Variants in CEP128 observed in about 807,000 individuals in gnomAD.
The protein encoded by CEP128 is centrosomal protein 128kDa.
CEP128 carries 132 observed loss-of-function variants against 156.7 expected under a neutral mutation model. That is an observed-to-expected ratio of 0.84 (90% CI 0.73 to 0.97). The LOEUF (loss-of-function observed/expected upper bound fraction) is 0.97. Among genes scored for constraint, CEP128 ranks in the 50% least tolerant of loss-of-function variants. The pLI, the probability that CEP128 is intolerant of heterozygous loss-of-function variation, is 0.00. For synonymous variants in CEP128, 469 were observed against 448.9 expected, an observed-to-expected ratio of 1.04 and a Z score of -0.57; for missense variants, 1,252 against 1,281.9, an observed-to-expected ratio of 0.98 and a Z score of 0.36.
intron 19 of CEP128, among the ~76,000 whole-genome samples, chr14:80,626,624 G>A (rs924487512): frequency 6.6e-6 from 1 of 152,104 alleles, no homozygotes; most frequent in Non-Finnish European, 1.5e-5. Flanking sequence ...AGCTGAAAAG[G>A]GCAGGAGAAA....
chr14:80,591,621 T>C (rs1013097944), intron 19 of CEP128, among the ~76,000 whole-genome samples: 1 of 152,010 alleles, frequency 6.6e-6, no homozygotes, highest in Non-Finnish European at 1.5e-5. Flanking sequence ...AACAAGGATA[T>C]TCAGGACTTG....
rs1055672502 is a variant in CEP128, at chr14:80,766,768, G to A, written c.2377-5155C>T. ...AAAACTAACTTGAGTCAGCAAATGTGACAATATTTCAGTCCCAAGGCCATC... is the reference window on the plus strand; with the variant it reads ...AAAACTAACTTGAGTCAGCAAATGTAACAATATTTCAGTCCCAAGGCCATC... On this transcript the variant is annotated intron_variant, in intron 16 of 24. Coordinates refer to ENST00000555265, the MANE Select transcript of CEP128 (RefSeq NM_152446.5). Among the ~76,000 whole-genome samples the A allele has an allele frequency of 3.9e-5, 6 of 152,082 alleles. No homozygotes were observed. The South Asian group carries it at 1.2e-3, about 31-fold the overall frequency.
intron 9 of CEP128, among the ~76,000 whole-genome samples, chr14:80,851,471 A>G (rs1005325477): frequency 3.3e-5 from 5 of 152,126 alleles, no homozygotes; most frequent in Non-Finnish European, 1.5e-5. Context: ...GAAGAATCCA[A>G]TGTAGCTGGA....
At chr14:80,548,318 A>G (rs1481731942) in intron 21 of CEP128, among the ~76,000 whole-genome samples, 4 of 152,172 alleles carry the variant, frequency 2.6e-5, no homozygotes, top group African/African-American at 9.7e-5. Flanking sequence ...ATTTTCAGCT[A>G]AAGATTGAAG....
At chr14:80,718,843 G>A (rs1897707118) in intron 19 of CEP128, among the ~76,000 whole-genome samples, 1 of 152,188 alleles carries the variant, frequency 6.6e-6, no homozygotes, top group African/African-American at 2.4e-5. Context: ...TAACACCAGC[G>A]AACCTCTCAT....
In CEP128 at chr14:80,831,292, C is replaced by A. The variant is rs371275568; in HGVS notation, c.1060G>T (p.Val354Phe). 2.1e-5 allele frequency: 34 copies of A among 1,613,712 alleles called. No individual in the cohort carries two copies. The highest frequency in any genetic ancestry group is 2.8e-5 in the Non-Finnish European group (33 of 1,179,880). ...QGEDWRFRRG[V>F]EREKQDLEKQ... ...TCCAGGTCCTGTTTTTCCCGCTCAA[C>A]CCCTTAAAAGATAAAATGTAAGGCT... Residue 354 changes from valine to phenylalanine, a missense_variant and splice_region_variant, in exon 13 of 25, where the codon GTT (valine) becomes TTT (phenylalanine). Transcript: ENST00000555265.
intron 14 of CEP128, among the ~76,000 whole-genome samples, chr14:80,790,396 G>A (rs1360666602): frequency 6.6e-6 from 1 of 152,010 alleles, no homozygotes; most frequent in Non-Finnish European, 1.5e-5. Context: ...ATTTCAAACA[G>A]TACCTTAAAA....
At chr14:80,836,461 C>A (rs1886083388) in intron 11 of CEP128, 124 bp from the exon 12 acceptor site, 1 of 991,254 alleles carries the variant, frequency 1.0e-6, no homozygotes, top group East Asian at 2.5e-5. Context: ...GGAACGGTTT[C>A]CTGCTCCATT....
intron 14 of CEP128, chr14:80,478,493 C>T (rs1886988900): frequency 6.6e-6 from 1 of 152,144 alleles, no homozygotes; most frequent in African/African-American, 2.4e-5. Context: ...AGCTGAGTGA[C>T]AAAACATACG....
chr14:80,504,323 C>A (rs988151454), intron 24 of CEP128, among the ~76,000 whole-genome samples: 1 of 152,160 alleles, frequency 6.6e-6, no homozygotes, highest in African/African-American at 2.4e-5. Context: ...ACAGAGACTA[C>A]ACTTCAAACT....
intron 19 of CEP128, among the ~76,000 whole-genome samples, chr14:80,620,291 A>T (rs2140652742): frequency 6.6e-6 from 1 of 152,302 alleles, no homozygotes; most frequent in Middle Eastern, 3.4e-3. Context: ...CCACAGTTTT[A>T]GTGGTCGACT....
chr14:80,721,279 A>G lies in CEP128; in HGVS notation c.2806+21796T>C, dbSNP rs116589169. 9.1e-3 allele frequency among the ~76,000 whole-genome samples: 1,390 copies of G among 152,318 alleles called. 24 individuals carry two copies. Among genetic ancestry groups the G allele is most frequent in the African/African-American group, 0.032 (1,328 of 41,580 alleles). ...CCAAAGAGAACTCGACAACCCTGGCAATCATACTACAGATGATTCTCTTAT... is the reference window on the plus strand; with the variant it reads ...CCAAAGAGAACTCGACAACCCTGGCGATCATACTACAGATGATTCTCTTAT... On this transcript the variant is annotated intron_variant, in intron 19 of 24. Transcript: ENST00000555265.
chr14:80,925,806 T>C (rs1451511418), intron 2 of CEP128, among the ~76,000 whole-genome samples: 1 of 151,758 alleles, frequency 6.6e-6, no homozygotes, highest in Non-Finnish European at 1.5e-5. Context: ...AAACTGGGAG[T>C]TGCCAGAGCA....
chr14:80,685,827 T>C (rs943551109), intron 19 of CEP128, among the ~76,000 whole-genome samples: 9 of 152,014 alleles, frequency 5.9e-5, no homozygotes, highest in African/African-American at 1.9e-4. Flanking sequence ...CTATCTAATC[T>C]TCAACAAAGT....
In CEP128 at chr14:80,785,385, T is replaced by G. The variant is rs199526020; in HGVS notation, c.1721A>C (p.Gln574Pro). The stretch of plus-strand genomic sequence containing the variant: ...CTTAACTTCCAATTCAAGGTCAGCT[T>G]GATGAGACTTAATATCACGTAATTT... Reference protein sequence around the residue: ...EEKLRDIKSHQADLELEVKNS... With the variant: ...EEKLRDIKSHPADLELEVKNS... The change falls in exon 15 of 25, where the codon CAA becomes CCA. Residue 574 changes from glutamine to proline, a missense_variant. Physicochemically the swap from Gln to Pro is moderately conservative, Grantham distance 76 (BLOSUM62 -1). Coordinates refer to ENST00000555265, the MANE Select transcript of CEP128 (RefSeq NM_152446.5). 1.9e-6 allele frequency: 3 copies of G among 1,614,168 alleles called. No individual in the cohort carries two copies. Among genetic ancestry groups the G allele is most frequent in the Non-Finnish European group, 2.5e-6 (3 of 1,180,020 alleles).
intron 9 of CEP128, among the ~76,000 whole-genome samples, chr14:80,849,070 C>A (rs1462946018): frequency 1.3e-5 from 2 of 152,004 alleles, no homozygotes; most frequent in African/African-American, 4.8e-5. Flanking sequence ...AGGAAATGAA[C>A]AGTTTCCAAT....
rs74066016 is a variant in CEP128 at position 80,627,946 on chromosome 14, A to T, written c.2807-47523T>A. On this transcript the variant is annotated intron_variant, in intron 19 of 24. Coordinates refer to ENST00000555265, the MANE Select transcript of CEP128 (RefSeq NM_152446.5). ...AAAAGTTTTTCAAGTGACCTAACCC[A>T]TTCATCTCACTCAGGCTGTGTGTGT... Among the ~76,000 whole-genome samples the T allele has an allele frequency of 7.8e-3, 1,184 of 152,204 alleles. 23 individuals are homozygous for T. Among genetic ancestry groups the T allele is most frequent in the African/African-American group, 0.027 (1,121 of 41,514 alleles).
At chr14:80,799,936 CT>C (rs1214034186) in intron 13 of CEP128, among the ~76,000 whole-genome samples, 2 of 152,172 alleles carry the variant, frequency 1.3e-5, no homozygotes, top group East Asian at 3.8e-4. Flanking sequence ...ATCAGTGGTT[CT>C]GCTTTTTCCC....
At chr14:80,693,752 A>G (rs1010388839) in intron 19 of CEP128, among the ~76,000 whole-genome samples, 3 of 152,154 alleles carry the variant, frequency 2.0e-5, no homozygotes, top group South Asian at 2.1e-4. Flanking sequence ...TCAGAATACA[A>G]TTTCCCAGTT....
Sources: gnomAD v4.1 joint callset for allele counts (sites outside exome capture counted in the v4.1 genomes callset) on GRCh38, gnomAD v4.1.1 for gene constraint, MANE v1.5 for transcripts, NCBI Gene and HGNC (gene_info 2026-07-23, HGNC 2026-07-21) for gene names.